Variants in MBNL2 observed in about 807,000 individuals in gnomAD.
MBNL2 encodes muscleblind like splicing regulator 2, also known as muscleblind-like protein 2.
In MBNL2, 17 loss-of-function variants were observed where a neutral mutation model predicts 41.9. The ratio of observed to expected loss-of-function variants is 0.41; its 90% CI spans 0.28 to 0.61. The LOEUF is 0.61. MBNL2 is among the 20% of genes least tolerant of loss of function. The pLI, the probability that MBNL2 is intolerant of heterozygous loss-of-function variation, is 0.35. For synonymous variants in MBNL2, 195 were observed against 182.9 expected (o/e 1.07, Z -0.53); for missense variants, 336 against 505.6 (o/e 0.66, Z 3.22).
intron 1 of MBNL2, among the ~76,000 whole-genome samples, chr13:97,237,235 A>T (rs753597360): frequency 3.7e-4 from 56 of 152,230 alleles, no homozygotes; most frequent in Non-Finnish European, 5.1e-4. Context: ...TTGGTAAAAC[A>T]ATGGACCAGA....
the MBNL2 span, among the ~76,000 whole-genome samples, chr13:97,198,988 C>T: frequency 6.6e-6 from 1 of 152,114 alleles, no homozygotes; most frequent in African/African-American, 2.4e-5. Flanking sequence ...TCCCATGTGA[C>T]TCAGAGGACA....
At chr13:97,145,506 G>A in the MBNL2 span, among the ~76,000 whole-genome samples, 1 of 152,334 alleles carries the variant, frequency 6.6e-6, no homozygotes, top group Non-Finnish European at 1.5e-5. Context: ...GAGGATGCAG[G>A]TGCCCAGTAG....
intron 5 of MBNL2, among the ~76,000 whole-genome samples, chr13:97,351,858 T>C (rs2062500775): frequency 1.3e-5 from 2 of 151,972 alleles, no homozygotes; most frequent in Non-Finnish European, 2.9e-5. Context: ...ACCCCGTCTC[T>C]ACTAAAAATA....
chr13:97,298,028 A>G (rs1327132959), intron 2 of MBNL2, among the ~76,000 whole-genome samples: 1 of 152,184 alleles, frequency 6.6e-6, no homozygotes, highest in Admixed American at 6.5e-5. Flanking sequence ...GCTGCCATTT[A>G]CTGAGTGTAT....
At chr13:97,283,420 C>T (rs1374938825) in intron 2 of MBNL2, among the ~76,000 whole-genome samples, 1 of 152,172 alleles carries the variant, frequency 6.6e-6, no homozygotes, top group African/African-American at 2.4e-5. Flanking sequence ...TCTTGCCTTC[C>T]TACTACAATC....
chr13:97,182,477 C>T, the MBNL2 span, among the ~76,000 whole-genome samples: 1 of 152,158 alleles, frequency 6.6e-6, no homozygotes, highest in Non-Finnish European at 1.5e-5. Context: ...TTATATGGTG[C>T]ATATTGGTGA....
intron 3 of MBNL2, among the ~76,000 whole-genome samples, chr13:97,336,865 C>A (rs2060929938): frequency 6.6e-6 from 1 of 152,190 alleles, no homozygotes; most frequent in African/African-American, 2.4e-5. Context: ...AGTCAAGTAT[C>A]ATTCCATTTT....
At chr13:97,205,711 C>T in the MBNL2 span, among the ~76,000 whole-genome samples, 1 of 152,158 alleles carries the variant, frequency 6.6e-6, no homozygotes, top group Non-Finnish European at 1.5e-5. Flanking sequence ...ACAGTTAAGA[C>T]AGTTGAGCTT....
chr13:97,322,025 GTC>G (rs2153042240), intron 2 of MBNL2, among the ~76,000 whole-genome samples: 1 of 152,312 alleles, frequency 6.6e-6, no homozygotes, highest in Admixed American at 6.5e-5. Flanking sequence ...CGTTATATAA[GTC>G]TCTGCTATTT....
In MBNL2 at chr13:97,258,632, ATTCTGTGTCC is replaced by A. The variant is rs1386926940; in HGVS notation, c.-604-16994_-604-16985del. The stretch of plus-strand genomic sequence containing the variant: ...CACAGTGTTCAAGTAAGTGACTAGC[ATTCTGTGTCC>A]TTCTGAGGTCTTCTGAACCCTTGGA... On this transcript the variant is annotated intron_variant, in intron 1 of 8. Transcript: ENST00000679496. Among the ~76,000 whole-genome samples, 3 of 152,332 alleles carry A rather than the reference ATTCTGTGTCC, an allele frequency of 2.0e-5. No homozygotes were observed. The East Asian group carries it at 5.8e-4, about 29-fold the overall frequency.
At chr13:97,252,071 C>T (rs925069960) in intron 1 of MBNL2, among the ~76,000 whole-genome samples, 1 of 151,110 alleles carries the variant, frequency 6.6e-6, no homozygotes, top group Non-Finnish European at 1.5e-5. Flanking sequence ...AGGATGGTCT[C>T]GATCTCCTGA....
At chr13:97,241,619 A>T (rs547262252) in intron 1 of MBNL2, among the ~76,000 whole-genome samples, 2 of 152,374 alleles carry the variant, frequency 1.3e-5, no homozygotes, top group Admixed American at 1.3e-4. Context: ...TAGGTAATGA[A>T]GTGAAACAAT....
At position 97,366,904 on chromosome 13, in the gene MBNL2, G is replaced by T. The variant is rs1445061150; in HGVS notation, c.1048+1733G>T. 1.3e-5 allele frequency among the ~76,000 whole-genome samples: 2 copies of T among 152,034 alleles called. No homozygotes were observed. Among genetic ancestry groups the T allele is most frequent in the Admixed American group, 6.6e-5 (1 of 15,266 alleles). ...CGCACCCATGGGTGCTTCAAAACTGGCTATATTTTAATTCGGTTCATTCAG... is the reference window on the plus strand; with the variant it reads ...CGCACCCATGGGTGCTTCAAAACTGTCTATATTTTAATTCGGTTCATTCAG... On this transcript the variant is annotated intron_variant, in intron 8 of 8. Coordinates refer to ENST00000679496, the MANE Select transcript of MBNL2 (RefSeq NM_001382683.1). This position sits in a 1 kb window ranked among gnomAD's most constrained non-coding sequence, Gnocchi z 4.7.
At chr13:97,183,240 A>C in the MBNL2 span, among the ~76,000 whole-genome samples, 1 of 152,124 alleles carries the variant, frequency 6.6e-6, no homozygotes, top group Admixed American at 6.5e-5. Context: ...GTGTCTCTCT[A>C]TCCCAACAAT....
At chr13:97,283,810 G>A (rs2053893876) in intron 2 of MBNL2, among the ~76,000 whole-genome samples, 1 of 152,160 alleles carries the variant, frequency 6.6e-6, no homozygotes, top group African/African-American at 2.4e-5. Context: ...TCTGTGCTAA[G>A]GAAGGAGAAA....
At chr13:97,160,143 A>G in the MBNL2 span, among the ~76,000 whole-genome samples, 1 of 152,172 alleles carries the variant, frequency 6.6e-6, no homozygotes, top group African/African-American at 2.4e-5. Context: ...AAAAAACACT[A>G]TTGCTGTTAC....
At chr13:97,203,550 C>A in the MBNL2 span, among the ~76,000 whole-genome samples, 1 of 152,084 alleles carries the variant, frequency 6.6e-6, no homozygotes, top group East Asian at 1.9e-4. Context: ...GCTGCGCTCA[C>A]GGGTAACTCT....
intron 2 of MBNL2, among the ~76,000 whole-genome samples, chr13:97,289,778 T>C (rs1286032602): frequency 1.3e-5 from 2 of 152,174 alleles, no homozygotes; most frequent in African/African-American, 2.4e-5. Context: ...TAAATTAAAA[T>C]GGAGACCAGG....
At chr13:97,327,530 G>A (rs1277390489) in intron 2 of MBNL2, among the ~76,000 whole-genome samples, 1 of 136,206 alleles carries the variant, frequency 7.3e-6, no homozygotes, top group African/African-American at 2.9e-5. Flanking sequence ...GAAAATTGAG[G>A]CACAGGCACA....
Sources: gnomAD v4.1 joint callset for allele counts (sites outside exome capture counted in the v4.1 genomes callset) on GRCh38, gnomAD v4.1.1 for gene constraint, Gnocchi (gnomAD v3.1) non-coding constraint, MANE v1.5 for transcripts, NCBI Gene and HGNC (gene_info 2026-07-23, HGNC 2026-07-21) for gene names.